Variants in MCF2L2 observed in about 807,000 individuals in gnomAD.
MCF2L2 encodes the protein MCF.2 cell line derived transforming sequence-like 2.
In MCF2L2, 102 loss-of-function variants were observed where a neutral mutation model predicts 150.2. The ratio of observed to expected loss-of-function variants is 0.68; its 90% CI spans 0.58 to 0.80. The LOEUF is 0.80. Ranked by LOEUF, MCF2L2 falls within the 30% of genes least tolerant of loss-of-function variation. The pLI is 0.00. For missense variants in MCF2L2, 1,256 were observed against 1,372.8 expected, an observed-to-expected ratio of 0.91 and a Z score of 1.34; for synonymous variants, 465 against 491.3, an observed-to-expected ratio of 0.95 and a Z score of 0.71.
At chr3:183,215,184 G>C (rs1323946991) in intron 22 of MCF2L2, among the ~76,000 whole-genome samples, 1 of 152,092 alleles carries the variant, frequency 6.6e-6, no homozygotes, top group Non-Finnish European at 1.5e-5. Flanking sequence ...AGACTGTGTT[G>C]AACTTCTGAC....
chr3:183,234,749 A>C (rs1723738548), intron 15 of MCF2L2, among the ~76,000 whole-genome samples: 1 of 112,816 alleles, frequency 8.9e-6, no homozygotes, highest in Non-Finnish European at 1.7e-5. Context: ...CACATTGTGC[A>C]GGTTAGTTAC....
Position 183,179,154 on chromosome 3 carries a change from G to A in MCF2L2, c.*226C>T, listed in dbSNP as rs1721419278. The A allele has an allele frequency of 2.2e-6, 1 of 456,732 alleles. No individual in the cohort carries two copies. The highest frequency in any genetic ancestry group is 3.6e-6 in the Non-Finnish European group (1 of 277,074). 28.3% of individuals were successfully genotyped at this position (456,732 alleles called of 1,614,324 possible). On this transcript the variant is annotated 3_prime_UTR_variant, in exon 30 of 30. Transcript: ENST00000328913. The surrounding 1 kb of genome is among the most constrained non-coding windows in gnomAD (Gnocchi z 4.2). ...AAGGCGTGGGCTGCGGGCTCTGCTC[G>A]CCTCTGCAGGCGCCTTAGAGCAGCT...
chr3:183,403,164 C>T (rs1196460720), intron 1 of MCF2L2, among the ~76,000 whole-genome samples: 1 of 151,870 alleles, frequency 6.6e-6, no homozygotes, highest in African/African-American at 2.4e-5. Context: ...CCCAGATACT[C>T]AGGAGGCTGA....
At position 183,428,048 on chromosome 3, in the gene MCF2L2, T is replaced by G; in HGVS notation, c.-71A>C. On this transcript the variant is annotated 5_prime_UTR_variant, in exon 1 of 30. Transcript: ENST00000328913. This position sits in a 1 kb window ranked among gnomAD's most constrained non-coding sequence, Gnocchi z 5.1. ...TTCTACCGCTGCGGTGGATGATTTTTTAAAGGCATCTCCGCCCAAGGATGC... is the reference window on the plus strand; with the variant it reads ...TTCTACCGCTGCGGTGGATGATTTTGTAAAGGCATCTCCGCCCAAGGATGC... 2 of 1,200,274 alleles carry G rather than the reference T, an allele frequency of 1.7e-6. No individual in the cohort carries two copies. Among genetic ancestry groups the G allele is most frequent in the Non-Finnish European group, 2.5e-6 (2 of 804,898 alleles). The allele number at this position is 1,200,274 out of a possible 1,614,324, so 74.4% of individuals were successfully genotyped here.
chr3:183,270,186 G>C lies in MCF2L2; in HGVS notation c.1862+6686C>G. 1 of 1,614,200 alleles carries C rather than the reference G, an allele frequency of 6.2e-7. No homozygotes were observed. Among genetic ancestry groups the C allele is most frequent in the African/African-American group, 1.3e-5 (1 of 75,046 alleles). On this transcript the variant is annotated intron_variant, in intron 15 of 29. Coordinates refer to ENST00000328913, the MANE Select transcript of MCF2L2 (RefSeq NM_015078.4). The surrounding 1 kb of genome is among the most constrained non-coding windows in gnomAD (Gnocchi z 4.5). The stretch of plus-strand genomic sequence containing the variant: ...GAATGCCAACATCAAAACTCTGTTT[G>C]CCTTAGGAACTCCTAATCCACTGGA...
intron 3 of MCF2L2, chr3:183,378,864 A>AG (rs1269724950): frequency 1.3e-5 from 2 of 152,900 alleles, no homozygotes; most frequent in East Asian, 3.8e-4. Context: ...TGAAAAAAAA[A>AG]AAAAAATACA....
intron 2 of MCF2L2, among the ~76,000 whole-genome samples, chr3:183,383,131 G>A (rs1463312528): frequency 6.6e-6 from 1 of 152,044 alleles, no homozygotes; most frequent in African/African-American, 2.4e-5. Flanking sequence ...TCTTACCAGA[G>A]GCTTAATTTA....
intron 3 of MCF2L2, among the ~76,000 whole-genome samples, chr3:183,364,846 A>C (rs1712431027): frequency 6.6e-6 from 1 of 152,208 alleles, no homozygotes; most frequent in African/African-American, 2.4e-5. Flanking sequence ...CTCATCAGAA[A>C]TGTAAAACTT....
At chr3:183,288,265 T>C (rs1168102403) in intron 14 of MCF2L2, among the ~76,000 whole-genome samples, 1 of 152,174 alleles carries the variant, frequency 6.6e-6, no homozygotes, top group Non-Finnish European at 1.5e-5. Flanking sequence ...ACCTTATGCT[T>C]TTTTTAAACT....
intron 2 of MCF2L2, among the ~76,000 whole-genome samples, chr3:183,387,035 T>A (rs1304542948): frequency 6.6e-6 from 1 of 152,106 alleles, no homozygotes; most frequent in Non-Finnish European, 1.5e-5. Flanking sequence ...ATGGAAAGAC[T>A]GTTTGAGCCC....
intron 27 of MCF2L2, among the ~76,000 whole-genome samples, chr3:183,191,901 C>G (rs1334232533): frequency 6.6e-6 from 1 of 151,766 alleles, no homozygotes; most frequent in Non-Finnish European, 1.5e-5. Flanking sequence ...AGTGCAGTGG[C>G]GTGATCTCGG....
At chr3:183,269,892 T>G in intron 15 of MCF2L2, 1 of 1,614,108 alleles carries the variant, frequency 6.2e-7, no homozygotes, top group Non-Finnish European at 8.5e-7. Context: ...CATGTTTTTT[T>G]GGGAACCAAT....
At chr3:183,309,203 A>G (rs1729243995) in intron 10 of MCF2L2, among the ~76,000 whole-genome samples, 2 of 152,302 alleles carry the variant, frequency 1.3e-5, no homozygotes, top group South Asian at 4.1e-4. Flanking sequence ...TCTGTGTAGC[A>G]ATGGAACTAA....
chr3:183,192,402 G>T (rs1181163055), intron 27 of MCF2L2, among the ~76,000 whole-genome samples: 1 of 152,232 alleles, frequency 6.6e-6, no homozygotes, highest in Non-Finnish European at 1.5e-5. Flanking sequence ...GCCTCCCAAA[G>T]TGCTGGGATT....
At chr3:183,379,546 AAC>A (rs1713395733) in intron 2 of MCF2L2, 135 bp from the exon 3 acceptor site, 1 of 649,758 alleles carries the variant, frequency 1.5e-6, no homozygotes, top group Admixed American at 3.1e-5. Context: ...GGGAGAAGTT[AAC>A]ACAGTTATTT....
chr3:183,382,771 T>C (rs1179946621), intron 2 of MCF2L2, among the ~76,000 whole-genome samples: 2 of 152,170 alleles, frequency 1.3e-5, no homozygotes, highest in Non-Finnish European at 2.9e-5. Flanking sequence ...GAAAGACAAA[T>C]AGTTTTAGTG....
At chr3:183,180,968 G>A (rs1576901948) in intron 27 of MCF2L2, among the ~76,000 whole-genome samples, 1 of 152,374 alleles carries the variant, frequency 6.6e-6, no homozygotes, top group East Asian at 1.9e-4. Flanking sequence ...ACAAGCCAGG[G>A]TAGGGAGCAG....
chr3:183,282,849 G>C (rs1447315519), intron 14 of MCF2L2, among the ~76,000 whole-genome samples: 1 of 152,198 alleles, frequency 6.6e-6, no homozygotes, highest in African/African-American at 2.4e-5. Flanking sequence ...AAGGCCAGTG[G>C]GTTGACTATC....
intron 26 of MCF2L2, among the ~76,000 whole-genome samples, chr3:183,194,066 G>A (rs1002151470): frequency 6.6e-6 from 1 of 152,068 alleles, no homozygotes; most frequent in African/African-American, 2.4e-5. Context: ...TAAAATTATA[G>A]CTTATTAAAT....
Sources: allele counts gnomAD v4.1 joint callset (sites outside exome capture counted in the v4.1 genomes callset), GRCh38; gene constraint gnomAD v4.1.1; non-coding constraint Gnocchi (gnomAD v3.1); transcripts MANE v1.5; gene names NCBI Gene and HGNC (gene_info 2026-07-23, HGNC 2026-07-21).